The following VOPP1 variants were observed in gnomAD, a reference collection of about 807,000 sequenced individuals.
VOPP1 encodes WW domain binding protein VOPP1.
A neutral mutation model predicts 23.5 loss-of-function variants in VOPP1; 8 were observed. The ratio of observed to expected loss-of-function variants is 0.34; its 90% confidence interval spans 0.20 to 0.61. VOPP1 has a LOEUF of 0.61. VOPP1 is among the 20% of genes least tolerant of loss of function. The pLI, the probability that VOPP1 is intolerant of heterozygous loss-of-function variation, is 0.78. For missense variants in VOPP1, 174 were observed against 238.1 expected (o/e 0.73, Z 1.77); for synonymous variants, 83 against 97.3 (o/e 0.85, Z 0.86).
intron 3 of VOPP1, among the ~76,000 whole-genome samples, chr7:55,494,633 T>G (rs1488701190): frequency 6.6e-6 from 1 of 152,184 alleles, no homozygotes; most frequent in Non-Finnish European, 1.5e-5. Context: ...TTATGTTTAT[T>G]TTAAAAATTT....
chr7:55,451,407 C>T (rs778753768), intron 4 of VOPP1, among the ~76,000 whole-genome samples: 8 of 152,226 alleles, frequency 5.3e-5, no homozygotes, highest in Non-Finnish European at 1.2e-4. Context: ...TTGCCCACTA[C>T]ATATAGAAGT....
intron 2 of VOPP1, among the ~76,000 whole-genome samples, chr7:55,500,404 C>T (rs1011932376): frequency 1.3e-5 from 2 of 152,330 alleles, no homozygotes; most frequent in South Asian, 4.1e-4. Flanking sequence ...CCCAGCAGGA[C>T]CTCAATCCTA....
intron 1 of VOPP1, among the ~76,000 whole-genome samples, chr7:55,547,835 C>T (rs947105943): frequency 3.9e-5 from 6 of 152,188 alleles, no homozygotes; most frequent in Non-Finnish European, 8.8e-5. Context: ...ACCACACTTC[C>T]CATCACTCCC....
chr7:55,435,576 G>A (rs553733194), downstream of VOPP1, among the ~76,000 whole-genome samples: 17 of 152,264 alleles, frequency 1.1e-4, no homozygotes, highest in East Asian at 1.9e-3. Context: ...AGCACAGTAC[G>A]CAGCCCCGAG....
At chr7:55,450,337 G>A (rs934133601) in intron 4 of VOPP1, among the ~76,000 whole-genome samples, 6 of 27,770 alleles carry the variant, frequency 2.2e-4, no homozygotes, top group African/African-American at 1.1e-3. Flanking sequence ...CCCAGCACTG[G>A]AACTTGTGTA....
At chr7:55,467,125 C>G (rs909583245), downstream of VOPP1, among the ~76,000 whole-genome samples, 1 of 152,194 alleles carries the variant, frequency 6.6e-6, no homozygotes, top group African/African-American at 2.4e-5. Flanking sequence ...AGACAGGAGA[C>G]AGAGCTCAGG....
At chr7:55,526,572 T>G in intron 1 of VOPP1, among the ~76,000 whole-genome samples, 1 of 152,124 alleles carries the variant, frequency 6.6e-6, no homozygotes, top group East Asian at 1.9e-4. Context: ...CTCTGGGACA[T>G]GAGGGAGTGG....
chr7:55,460,073 A>C (rs1448014335), intron 4 of VOPP1, among the ~76,000 whole-genome samples: 2 of 25,436 alleles, frequency 7.9e-5, no homozygotes, highest in Non-Finnish European at 1.7e-4. Context: ...TTCTATTTTC[A>C]TATTAAATAT....
intron 1 of VOPP1, among the ~76,000 whole-genome samples, chr7:55,539,082 G>A (rs995687802): frequency 2.0e-4 from 30 of 150,694 alleles, no homozygotes; most frequent in African/African-American, 4.9e-4. Flanking sequence ...GATGGCTCAC[G>A]CCTGTAATCC....
At chr7:55,559,141 A>C (rs757638685) in intron 1 of VOPP1, among the ~76,000 whole-genome samples, 20 of 152,130 alleles carry the variant, frequency 1.3e-4, no homozygotes, top group Non-Finnish European at 2.2e-4. Context: ...TGGGAGCCTG[A>C]GCCATCCATC....
At chr7:55,538,043 G>C (rs899202395) in intron 1 of VOPP1, among the ~76,000 whole-genome samples, 1 of 152,174 alleles carries the variant, frequency 6.6e-6, no homozygotes, top group African/African-American at 2.4e-5. Flanking sequence ...CTCCAGCCTG[G>C]CCCGACCACA....
At chr7:55,464,665 C>T (rs113791704) in intron 4 of VOPP1, among the ~76,000 whole-genome samples, 1,828 of 152,172 alleles carry the variant, frequency 0.012, 13 homozygotes, top group Admixed American at 0.021. Flanking sequence ...TGGGTCCAGC[C>T]AGTGTTGTGA....
At chr7:55,522,638 C>T (rs149202114) in intron 1 of VOPP1, among the ~76,000 whole-genome samples, 1 of 152,312 alleles carries the variant, frequency 6.6e-6, no homozygotes, top group East Asian at 1.9e-4. Flanking sequence ...TGGAACCTGA[C>T]ACTTAAGTTC....
chr7:55,565,706 G>C (rs1453683890), intron 1 of VOPP1, among the ~76,000 whole-genome samples: 3 of 152,188 alleles, frequency 2.0e-5, no homozygotes, highest in Admixed American at 6.5e-5. Context: ...AAAAGATTTC[G>C]GTCTCACTGC....
rs1044111307 is a variant in VOPP1 at position 55,470,930 on chromosome 7, A to G, written c.*1925T>C. 5 of 152,350 alleles carry G rather than the reference A, an allele frequency of 3.3e-5. No individual in the cohort carries two copies. 9.4% of individuals were successfully genotyped at this position (152,350 alleles called of 1,614,324 possible). ...CAAGGGAAAACAAACTCTGTCTCAC[A>G]CAAACATGGGAATACAAAATTGTTG... is the stretch of plus-strand genomic sequence containing the variant. On this transcript the variant is annotated 3_prime_UTR_variant, in exon 5 of 5. Transcript: ENST00000285279.
chr7:55,521,862 G>A, intron 1 of VOPP1: 1 of 983,716 alleles, frequency 1.0e-6, no homozygotes, highest in Non-Finnish European at 1.2e-6. Context: ...TGCTCAGGGA[G>A]CTCTCTATGC....
chr7:55,440,554 T>TC (rs1455773967), intron 4 of VOPP1, among the ~76,000 whole-genome samples: 4 of 152,212 alleles, frequency 2.6e-5, no homozygotes, highest in African/African-American at 9.6e-5. Context: ...GCTCACCTAT[T>TC]CCTCCGTCCT....
intron 1 of VOPP1, among the ~76,000 whole-genome samples, chr7:55,549,042 A>G (rs1797488075): frequency 6.6e-6 from 1 of 152,190 alleles, no homozygotes; most frequent in Non-Finnish European, 1.5e-5. Flanking sequence ...GGGAGATTTA[A>G]ACACAGGGGA....
intron 3 of VOPP1, among the ~76,000 whole-genome samples, chr7:55,495,396 G>C (rs986450313): frequency 2.6e-5 from 4 of 152,188 alleles, no homozygotes; most frequent in Non-Finnish European, 4.4e-5. Flanking sequence ...CCAGGCAGCA[G>C]AGCAGCCCCT....
Sources: allele counts gnomAD v4.1 joint callset (sites outside exome capture counted in the v4.1 genomes callset), GRCh38; gene constraint gnomAD v4.1.1; transcripts MANE v1.5; gene names NCBI Gene and HGNC (gene_info 2026-07-23, HGNC 2026-07-21).